CC2D2B: variants seen among roughly 807,000 people sequenced by gnomAD.
CC2D2B encodes coiled-coil and C2 domain containing 2B.
A neutral mutation model predicts 161.2 loss-of-function variants in CC2D2B; 128 were observed. That is an observed-to-expected ratio of 0.79 (90% confidence interval 0.69 to 0.92). The LOEUF (loss-of-function observed/expected upper bound fraction) is 0.92. CC2D2B is among the 40% of genes least tolerant of loss of function. The pLI is 0.00. For missense variants in CC2D2B, 1,173 were observed against 1,375.1 expected, an observed-to-expected ratio of 0.85 and a Z score of 2.32; for synonymous variants, 391 against 449.8, an observed-to-expected ratio of 0.87 and a Z score of 1.65.
intron 24 of CC2D2B, among the ~76,000 whole-genome samples, chr10:95,996,784 C>G (rs931319855): frequency 6.0e-5 from 9 of 150,842 alleles, no homozygotes; most frequent in Admixed American, 3.3e-4. Context: ...TAGCTGTTTG[C>G]TGTGGCCTAA....
At chr10:95,914,578 G>A (rs778227807) in intron 2 of CC2D2B, among the ~76,000 whole-genome samples, 2 of 152,154 alleles carry the variant, frequency 1.3e-5, no homozygotes, top group Non-Finnish European at 2.9e-5. Context: ...CCCCCATGCT[G>A]TTCTTGTTAT....
At chr10:95,965,119 T>G (rs1347823507) in intron 12 of CC2D2B, among the ~76,000 whole-genome samples, 1 of 152,154 alleles carries the variant, frequency 6.6e-6, no homozygotes, top group African/African-American at 2.4e-5. Context: ...AAGGATTTCC[T>G]TCTTAAATGA....
At chr10:95,938,356 C>A (rs1379678628) in intron 7 of CC2D2B, 167 bp downstream of exon 7, 1 of 613,110 alleles carries the variant, frequency 1.6e-6, no homozygotes, top group African/African-American at 1.9e-5. Flanking sequence ...ATTAAGAGAA[C>A]TCATTCTTCA....
intron 34 of CC2D2B, among the ~76,000 whole-genome samples, chr10:96,028,074 A>T (rs1590948644): frequency 6.6e-6 from 1 of 152,210 alleles, no homozygotes; most frequent in East Asian, 1.9e-4. Flanking sequence ...CATTGGTCTG[A>T]GCAAAAATTT....
chr10:95,950,232 C>T, intron 10 of CC2D2B, 127 bp downstream of exon 10: 1 of 395,304 alleles, frequency 2.5e-6, no homozygotes, highest in East Asian at 3.6e-5. Context: ...TTCAGTTTCT[C>T]TGAAAAGAAA....
chr10:95,948,298 C>T (rs2076292350), intron 9 of CC2D2B, among the ~76,000 whole-genome samples: 1 of 126,510 alleles, frequency 7.9e-6, no homozygotes, highest in African/African-American at 3.1e-5. Flanking sequence ...GTACTGGTAC[C>T]AAAACAGAGA....
intron 6 of CC2D2B, among the ~76,000 whole-genome samples, chr10:95,927,905 G>A (rs556144287): frequency 5.4e-4 from 82 of 151,930 alleles, no homozygotes; most frequent in Non-Finnish European, 1.1e-3. Context: ...GTCCTACTTA[G>A]CCTCACTGGT....
chr10:95,977,386 A>C (rs1192430577), intron 17 of CC2D2B, among the ~76,000 whole-genome samples: 1 of 152,126 alleles, frequency 6.6e-6, no homozygotes, highest in Non-Finnish European at 1.5e-5. Flanking sequence ...TAAACAAACA[A>C]ATCAGAAAAC....
intron 16 of CC2D2B, among the ~76,000 whole-genome samples, chr10:95,973,091 A>G (rs1345463357): frequency 1.3e-5 from 2 of 151,518 alleles, no homozygotes; most frequent in Non-Finnish European, 2.9e-5. Context: ...TTTGGAAACT[A>G]CTTGGGCCTA....
intron 22 of CC2D2B, among the ~76,000 whole-genome samples, chr10:95,993,831 A>C (rs963217510): frequency 8.5e-6 from 1 of 118,010 alleles, no homozygotes; most frequent in Admixed American, 1.0e-4. Flanking sequence ...ATATATAAAG[A>C]GTGTATATAT....
At chr10:95,950,255 A>G (rs765540276) in intron 10 of CC2D2B, 150 bp downstream of exon 10, 4 of 394,958 alleles carry the variant, frequency 1.0e-5, no homozygotes, top group African/African-American at 2.1e-5. Flanking sequence ...GTAGGAATTG[A>G]CTGGCTGGGG....
chr10:95,946,790 G>A (rs183875954), intron 9 of CC2D2B, among the ~76,000 whole-genome samples: 5 of 152,100 alleles, frequency 3.3e-5, no homozygotes, highest in Admixed American at 2.0e-4. Context: ...TCCTTGAGGA[G>A]CATTGGGTCT....
chr10:95,995,428 C>A, intron 23 of CC2D2B, 63 bp downstream of exon 23: 2 of 802,968 alleles, frequency 2.5e-6, no homozygotes, highest in South Asian at 2.0e-5. Context: ...TTACAATTGA[C>A]TCTTAATTCA....
chr10:95,970,552 C>G (rs1284533518), intron 15 of CC2D2B, among the ~76,000 whole-genome samples: 1 of 152,122 alleles, frequency 6.6e-6, no homozygotes, highest in Non-Finnish European at 1.5e-5. Context: ...AGACTGGCTC[C>G]TAGGAACCCT....
intron 11 of CC2D2B, among the ~76,000 whole-genome samples, chr10:95,957,548 C>T (rs2076607268): frequency 7.2e-6 from 1 of 139,078 alleles, no homozygotes; most frequent in Non-Finnish European, 1.5e-5. Context: ...AGACAGCTGA[C>T]AATGATTTTT....
chr10:95,947,092 T>A (rs1160747202), intron 9 of CC2D2B, among the ~76,000 whole-genome samples: 397 of 28,518 alleles, frequency 0.014, 6 homozygotes, highest in African/African-American at 0.036. Flanking sequence ...AATATATATA[T>A]ATATATATAT....
intron 2 of CC2D2B, among the ~76,000 whole-genome samples, chr10:95,912,606 C>T (rs2098508362): frequency 6.6e-6 from 1 of 152,112 alleles, no homozygotes; most frequent in African/African-American, 2.4e-5. Flanking sequence ...AATAAGGTTG[C>T]TGAACGTTGC....
intron 34 of CC2D2B, among the ~76,000 whole-genome samples, chr10:96,031,209 G>A (rs2080053556): frequency 6.6e-6 from 1 of 152,114 alleles, no homozygotes; most frequent in East Asian, 1.9e-4. Flanking sequence ...CAGAAAACAG[G>A]TAATTGCAAC....
intron 24 of CC2D2B, among the ~76,000 whole-genome samples, chr10:96,001,636 C>G (rs1049490049): frequency 5.3e-5 from 8 of 152,160 alleles, no homozygotes; most frequent in African/African-American, 1.9e-4. Flanking sequence ...AAGGGAGACC[C>G]TGTTTATGCC....
Sources: allele counts gnomAD v4.1 joint callset (sites outside exome capture counted in the v4.1 genomes callset), GRCh38; gene constraint gnomAD v4.1.1; transcripts MANE v1.5; gene names NCBI Gene and HGNC (gene_info 2026-07-23, HGNC 2026-07-21).